BRD4: variants seen among roughly 807,000 people sequenced by gnomAD.
BRD4 encodes bromodomain containing 4.
A neutral mutation model predicts 142.1 loss-of-function variants in BRD4; 16 were observed. The observed-to-expected ratio is 0.11, with a 90% CI of 0.08 to 0.17. The LOEUF is 0.17. BRD4 is among the 10% of genes least tolerant of loss of function. The probability of loss-of-function intolerance (pLI) is 1.00; values close to 1 mark genes in which losing one functional copy is unlikely to be tolerated. For synonymous variants in BRD4, 833 were observed against 707.5 expected, an observed-to-expected ratio of 1.18 and a Z score of -2.82; for missense variants, 1,424 against 1,810.9, an observed-to-expected ratio of 0.79 and a Z score of 3.88.
At position 15,236,703 on chromosome 19, in the gene BRD4, G is replaced by A. The variant is rs1454051650; in HGVS notation, c.*1674C>T. 2 of 170,518 alleles carry A rather than the reference G, an allele frequency of 1.2e-5. No homozygotes were observed. Among genetic ancestry groups the A allele is most frequent in the Admixed American group, 6.4e-5 (1 of 15,616 alleles). 10.6% of individuals were successfully genotyped at this position (170,518 alleles called of 1,614,324 possible). On this transcript the variant is annotated 3_prime_UTR_variant, in exon 20 of 20. Coordinates refer to ENST00000679869, the MANE Select transcript of BRD4 (RefSeq NM_001379291.1). ...GTGGCTCCCGCCCAGGGCAGACAGG[G>A]ACAGGTCACAGGAGAGGGGCTAGGT...
intron 7 of BRD4, among the ~76,000 whole-genome samples, chr19:15,258,188 G>A (rs1160012533): frequency 6.6e-6 from 1 of 152,180 alleles, no homozygotes; most frequent in African/African-American, 2.4e-5. Context: ...AGAGGACCAC[G>A]GCCCTGGAAT....
At chr19:15,282,560 G>A (rs752809965) in intron 1 of BRD4, among the ~76,000 whole-genome samples, 1 of 152,210 alleles carries the variant, frequency 6.6e-6, no homozygotes, top group African/African-American at 2.4e-5. Context: ...TACCTGGTAA[G>A]TTGGCCCTTC....
chr19:15,317,493 A>G (rs1351977557), intron 1 of BRD4, among the ~76,000 whole-genome samples: 1 of 152,192 alleles, frequency 6.6e-6, no homozygotes, highest in Non-Finnish European at 1.5e-5. Flanking sequence ...CAGAAAATGT[A>G]GTTTTATACT....
At chr19:15,290,836 A>G (rs1224073244) in intron 1 of BRD4, among the ~76,000 whole-genome samples, 1 of 152,148 alleles carries the variant, frequency 6.6e-6, no homozygotes, top group Non-Finnish European at 1.5e-5. Context: ...TGGTTTTGCT[A>G]TCTCTAGGGG....
intron 1 of BRD4, among the ~76,000 whole-genome samples, chr19:15,281,658 T>C (rs1011500970): frequency 1.3e-5 from 2 of 152,208 alleles, no homozygotes; most frequent in Non-Finnish European, 2.9e-5. Context: ...GATGGATTCA[T>C]GAAATGTAAA....
intron 11 of BRD4, chr19:15,253,156 A>G: frequency 3.4e-6 from 1 of 296,486 alleles, no homozygotes; most frequent in Non-Finnish European, 6.4e-6. Context: ...GGTGGTCTGC[A>G]GCACGCCAGC....
At chr19:15,302,352 G>A (rs1444804574) in intron 1 of BRD4, among the ~76,000 whole-genome samples, 1 of 152,124 alleles carries the variant, frequency 6.6e-6, no homozygotes, top group Non-Finnish European at 1.5e-5. Flanking sequence ...TCTGAACCAC[G>A]AGCTTCCATG....
chr19:15,277,174 G>A (rs975670144), intron 1 of BRD4, among the ~76,000 whole-genome samples: 1 of 152,196 alleles, frequency 6.6e-6, no homozygotes, highest in African/African-American at 2.4e-5. Flanking sequence ...TGAAGGTCAA[G>A]GAAAAGGAAA....
In BRD4 at chr19:15,239,087, TCTC is replaced by T. The variant is rs2047217350; in HGVS notation, c.3751_3753del (p.Glu1251del). The T allele has an allele frequency of 6.2e-7, 1 of 1,605,194 alleles. No individual in the cohort carries two copies. Among genetic ancestry groups the T allele is most frequent in the Non-Finnish European group, 8.5e-7 (1 of 1,178,834 alleles). Reference sequence around the variant, plus strand: ...ATGCGCTCCTGCCGCAGCCGCTCCTTCTCCTTCTCAGCGTGCTCGGCCTGAGCC... The same window carrying T: ...ATGCGCTCCTGCCGCAGCCGCTCCTTCTTCTCAGCGTGCTCGGCCTGAGCC... On this transcript the variant is annotated inframe_deletion, in exon 18 of 20. Coordinates refer to ENST00000679869, the MANE Select transcript of BRD4 (RefSeq NM_001379291.1). This position sits in a 1 kb window ranked among gnomAD's most constrained non-coding sequence, Gnocchi z 7.4.
chr19:15,243,522 A>C, intron 13 of BRD4, 35 bp from the exon 14 acceptor site: 1 of 1,516,498 alleles, frequency 6.6e-7, no homozygotes, highest in Non-Finnish European at 8.8e-7. Flanking sequence ...GTGAGGCCTG[A>C]GCACCTGTGG....
At chr19:15,322,852 G>T (rs1273254681) in intron 1 of BRD4, among the ~76,000 whole-genome samples, 13 of 131,854 alleles carry the variant, frequency 9.9e-5, no homozygotes, top group African/African-American at 3.8e-4. Context: ...GGGAGATAGA[G>T]AGAGACTCTG....
chr19:15,263,491 A>T lies in BRD4; in HGVS notation c.1270T>A (p.Leu424Met), dbSNP rs1247938034. ...DAQEFGADVR[L>M]MFSNCYKYNP... ...TACTTATAGCAGTTGGAGAACATCA[A>T]TCGGACGTCAGCACCAAACTCCTGA... Residue 424 changes from leucine (L) to methionine (M), a missense_variant, in exon 7 of 20, where the codon TTG becomes ATG. Physicochemically the swap from Leu to Met is conservative, Grantham distance 15. This residue lies in a region of BRD4 where 22 missense variants were observed against 49.5 expected (regional missense o/e 0.44). Transcript: ENST00000679869. 1 of 1,614,068 alleles carries T rather than the reference A, an allele frequency of 6.2e-7. No homozygotes were observed. The highest frequency in any genetic ancestry group is 8.5e-7 in the Non-Finnish European group (1 of 1,180,042).
At chr19:15,259,654 C>T (rs914591788) in intron 7 of BRD4, among the ~76,000 whole-genome samples, 1 of 152,136 alleles carries the variant, frequency 6.6e-6, no homozygotes, top group Non-Finnish European at 1.5e-5. Context: ...TGGGGGGCAT[C>T]CTGGGAAACC....
chr19:15,268,851 T>C (rs1450638181), intron 3 of BRD4, 54 bp downstream of exon 3: 2 of 1,601,060 alleles, frequency 1.2e-6, no homozygotes, highest in East Asian at 2.2e-5. Flanking sequence ...CCCACTGCCG[T>C]CGCCTCCCCT....
rs1568377691 is a variant in BRD4, at chr19:15,243,099, ATGC to A, written c.2967_2969del (p.Gln989del). 2 of 1,338,676 alleles carry A rather than the reference ATGC, an allele frequency of 1.5e-6. No individual in the cohort carries two copies. The highest frequency in any genetic ancestry group is 2.0e-6 in the Non-Finnish European group (2 of 1,008,232). The allele number at this position is 1,338,676 out of a possible 1,614,324, so 82.9% of individuals were successfully genotyped here. ...AGTGCACGGGCCGTGGAGGGGGCTGATGCTGCTGCTGGGGTGGAGGCTGGGGCT... is the reference window on the plus strand; with the variant it reads ...AGTGCACGGGCCGTGGAGGGGGCTGATGCTGCTGGGGTGGAGGCTGGGGCT... On this transcript the variant is annotated inframe_deletion, in exon 14 of 20. Transcript: ENST00000679869.
At chr19:15,268,469 C>G (rs1313497075) in intron 3 of BRD4, among the ~76,000 whole-genome samples, 1 of 141,918 alleles carries the variant, frequency 7.0e-6, no homozygotes, top group African/African-American at 2.7e-5. Context: ...CTGCGCCGGC[C>G]CCATCACACC....
chr19:15,256,562 G>A (rs1056618414), intron 8 of BRD4, among the ~76,000 whole-genome samples: 9 of 152,212 alleles, frequency 5.9e-5, no homozygotes, highest in Non-Finnish European at 1.0e-4. Flanking sequence ...ATCGCAGAAG[G>A]AGGGCCCCTA....
intron 1 of BRD4, among the ~76,000 whole-genome samples, chr19:15,290,813 C>A (rs1019673218): frequency 6.6e-6 from 1 of 152,178 alleles, no homozygotes; most frequent in African/African-American, 2.4e-5. Flanking sequence ...TAAACACAGG[C>A]TCCCTCATGA....
rs763813464 is a variant in BRD4, at chr19:15,243,360, G to T, written c.2709C>A (p.Pro903=). 1.3e-6 allele frequency: 2 copies of T among 1,505,426 alleles called. No individual in the cohort carries two copies. The highest frequency in any genetic ancestry group is 4.8e-5 in the East Asian group (2 of 41,600). 93.3% of individuals were successfully genotyped at this position (1,505,426 alleles called of 1,614,324 possible). ...ALTQTPLLPQ[P]PMAQPPQVLL... is the part of the protein sequence containing the mutation. ...GCACTTGGGGGGGTTGGGCCATGGG[G>T]GGCTGTGGGAGCAGGGGTGTTTGGG... Residue 903 remains proline (P), a synonymous_variant, in exon 14 of 20, where the codon CCC becomes CCA. Transcript: ENST00000679869.
Sources: allele counts gnomAD v4.1 joint callset (sites outside exome capture counted in the v4.1 genomes callset), GRCh38; gene constraint gnomAD v4.1.1; regional missense constraint gnomAD v4.1.1; non-coding constraint Gnocchi (gnomAD v3.1); transcripts MANE v1.5; gene names NCBI Gene and HGNC (gene_info 2026-07-23, HGNC 2026-07-21).